Variants in TBC1D2B observed in about 807,000 individuals in gnomAD.
TBC1D2B encodes TBC1 domain family member 2B.
A neutral mutation model predicts 100.8 loss-of-function variants in TBC1D2B; 64 were observed. That is an observed-to-expected ratio of 0.64 (90% CI 0.52 to 0.78). The LOEUF is 0.78. Among genes scored for constraint, TBC1D2B ranks in the 30% least tolerant of loss-of-function variants. TBC1D2B has a pLI of 0.00. For missense variants in TBC1D2B, 1,052 were observed against 1,218.4 expected, an observed-to-expected ratio of 0.86 and a Z score of 2.03; for synonymous variants, 480 against 479.7, an observed-to-expected ratio of 1.00 and a Z score of -0.01.
chr15:78,012,659 G>C (rs2072260525), intron 9 of TBC1D2B, among the ~76,000 whole-genome samples, 164 bp downstream of exon 9: 1 of 152,178 alleles, frequency 6.6e-6, no homozygotes, highest in African/African-American at 2.4e-5. Flanking sequence ...AGTTCTTCTA[G>C]AACTGGGGAT....
chr15:78,016,934 C>T, intron 7 of TBC1D2B, 195 bp from the exon 8 acceptor site: 1 of 525,938 alleles, frequency 1.9e-6, no homozygotes, highest in Non-Finnish European at 3.3e-6. Flanking sequence ...GTGGGTTCCT[C>T]TCTTCCTTAT....
chr15:78,024,112 G>C, intron 6 of TBC1D2B, 44 bp downstream of exon 6: 1 of 1,560,846 alleles, frequency 6.4e-7, no homozygotes, highest in Non-Finnish European at 8.7e-7. Context: ...GGTGACATCG[G>C]TGGTCTCTCA....
chr15:78,007,263 A>C (rs184779305), intron 10 of TBC1D2B, among the ~76,000 whole-genome samples: 47 of 152,328 alleles, frequency 3.1e-4, no homozygotes, highest in South Asian at 8.3e-4. Context: ...ACAGCAGCAG[A>C]GGGATGAGAC....
chr15:78,065,550 A>C (rs371990474), intron 1 of TBC1D2B, among the ~76,000 whole-genome samples: 9 of 152,224 alleles, frequency 5.9e-5, no homozygotes, highest in African/African-American at 2.2e-4. Context: ...CCAAGTGACC[A>C]CAGGGCTACA....
At chr15:78,007,768 T>C (rs1428548112) in intron 10 of TBC1D2B, among the ~76,000 whole-genome samples, 4 of 152,054 alleles carry the variant, frequency 2.6e-5, no homozygotes, top group Non-Finnish European at 4.4e-5. Flanking sequence ...AGGGGAGCAA[T>C]GAAGGGAGCC....
At chr15:78,024,619 G>C (rs1379461619) in intron 5 of TBC1D2B, 80 bp from the exon 6 acceptor site, 2 of 1,300,364 alleles carry the variant, frequency 1.5e-6, no homozygotes, top group Non-Finnish European at 1.0e-6. Context: ...ACATTACATG[G>C]AGTAATCGAC....
rs1203537361 is a variant in TBC1D2B, at chr15:78,017,641, C to T, written c.1581+206G>A. On this transcript the variant is annotated intron_variant, in intron 7 of 12. Transcript: ENST00000300584. The stretch of plus-strand genomic sequence containing the variant: ...GTTTATGTGAAAAACTCACATCTCA[C>T]GGCATTTATCTGTCTTCATCAGAGA... Among the ~76,000 whole-genome samples, 12 of 152,132 alleles carry T rather than the reference C, an allele frequency of 7.9e-5. No individual in the cohort carries two copies. The East Asian group carries it at 1.5e-3, about 19-fold the overall frequency.
At chr15:78,067,723 C>T (rs970172239) in intron 1 of TBC1D2B, among the ~76,000 whole-genome samples, 1 of 152,174 alleles carries the variant, frequency 6.6e-6, no homozygotes, top group African/African-American at 2.4e-5. Context: ...GCTACCAAAT[C>T]CCCACTTCTC....
At chr15:78,016,429 CA>C (rs2072376842) in intron 8 of TBC1D2B, 116 bp downstream of exon 8, 1 of 942,818 alleles carries the variant, frequency 1.1e-6, no homozygotes, top group Admixed American at 2.5e-5. Context: ...CAGCATTTGT[CA>C]TGAGCACCAA....
At chr15:78,040,610 GAGAA>G (rs1454936499) in intron 3 of TBC1D2B, among the ~76,000 whole-genome samples, 2 of 12,548 alleles carry the variant, frequency 1.6e-4, no homozygotes, top group Non-Finnish European at 2.7e-4. Flanking sequence ...GAAAGTGAGA[GAGAA>G]AGAAAGAGAG....
chr15:78,067,241 C>T (rs1022319239), intron 1 of TBC1D2B, among the ~76,000 whole-genome samples: 1 of 152,178 alleles, frequency 6.6e-6, no homozygotes, highest in African/African-American at 2.4e-5. Context: ...AGGGCCTCTC[C>T]AGTTCTAACT....
At chr15:78,000,378 G>A (rs1007425903) in intron 12 of TBC1D2B, among the ~76,000 whole-genome samples, 11 of 152,218 alleles carry the variant, frequency 7.2e-5, no homozygotes, top group African/African-American at 2.7e-4. Context: ...GGGCAGCGGC[G>A]CTCCCAACAC....
chr15:78,023,114 C>A (rs916540591), intron 6 of TBC1D2B, among the ~76,000 whole-genome samples: 7 of 152,202 alleles, frequency 4.6e-5, no homozygotes, highest in Non-Finnish European at 8.8e-5. Flanking sequence ...CTGAAAGGTA[C>A]TGCTAGGCAT....
At chr15:78,075,153 G>C (rs2073808347) in intron 1 of TBC1D2B, among the ~76,000 whole-genome samples, 1 of 152,090 alleles carries the variant, frequency 6.6e-6, no homozygotes, top group Admixed American at 6.6e-5. Context: ...CCACACTTCT[G>C]ACAATGCGCC....
chr15:78,026,085 T>G (rs1271482068), intron 4 of TBC1D2B, among the ~76,000 whole-genome samples: 3 of 151,882 alleles, frequency 2.0e-5, no homozygotes, highest in African/African-American at 7.3e-5. Context: ...ATACTAAGCA[T>G]CCTATTTTTG....
intron 4 of TBC1D2B, among the ~76,000 whole-genome samples, chr15:78,027,933 T>A (rs1306542908): frequency 1.3e-5 from 2 of 152,144 alleles, no homozygotes; most frequent in East Asian, 1.9e-4. Context: ...ACTGGGCCAG[T>A]GGGTTCTACA....
chr15:78,000,502 T>A (rs146486659), intron 12 of TBC1D2B, among the ~76,000 whole-genome samples: 38 of 152,296 alleles, frequency 2.5e-4, no homozygotes, highest in African/African-American at 7.7e-4. Context: ...AATCAAACTT[T>A]CCCCAGCAAA....
chr15:78,015,604 C>T (rs2072352918), intron 8 of TBC1D2B, among the ~76,000 whole-genome samples: 2 of 152,158 alleles, frequency 1.3e-5, no homozygotes, highest in African/African-American at 4.8e-5. Flanking sequence ...ACCTGGGAAC[C>T]CGACTATCCA....
intron 11 of TBC1D2B, 118 bp downstream of exon 11, chr15:78,003,187 C>T (rs974704149): frequency 2.4e-6 from 2 of 851,026 alleles, no homozygotes; most frequent in Admixed American, 2.2e-5. Flanking sequence ...GCTGAGATCC[C>T]TTGGGCACCA....
Sources: allele counts gnomAD v4.1 joint callset (sites outside exome capture counted in the v4.1 genomes callset), GRCh38; gene constraint gnomAD v4.1.1; transcripts MANE v1.5; gene names NCBI Gene and HGNC (gene_info 2026-07-23, HGNC 2026-07-21).